Variants in MKLN1 observed in about 807,000 individuals in gnomAD.
MKLN1 encodes the protein muskelin.
In MKLN1, 18 loss-of-function variants were observed where a neutral mutation model predicts 99.0. The observed-to-expected ratio is 0.18, with a 90% CI of 0.13 to 0.27. The LOEUF is 0.27. Ranked by LOEUF, MKLN1 falls within the 10% of genes least tolerant of loss-of-function variation. The probability of loss-of-function intolerance (pLI) is 1.00; values close to 1 mark genes in which losing one functional copy is unlikely to be tolerated. For missense variants in MKLN1, 621 were observed against 875.9 expected (o/e 0.71, Z 3.67); for synonymous variants, 288 against 293.2 (o/e 0.98, Z 0.18).
intron 1 of MKLN1, among the ~76,000 whole-genome samples, chr7:131,367,983 G>C (rs1800230674): frequency 6.6e-6 from 1 of 152,170 alleles, no homozygotes; most frequent in Non-Finnish European, 1.5e-5. Context: ...GAAAATTAAA[G>C]GAGGATAGGC....
chr7:131,340,403 C>A (rs779949018), intron 1 of MKLN1, among the ~76,000 whole-genome samples: 6 of 151,610 alleles, frequency 4.0e-5, no homozygotes, highest in Non-Finnish European at 7.4e-5. Flanking sequence ...TCAGCCCCCC[C>A]AAGTAGCTGG....
At chr7:131,485,716 A>G (rs1797252788) in intron 17 of MKLN1, among the ~76,000 whole-genome samples, 2 of 152,086 alleles carry the variant, frequency 1.3e-5, no homozygotes, top group Admixed American at 1.3e-4. Flanking sequence ...GAATCTGATC[A>G]TGAAGAAACA....
At chr7:131,464,600 T>C (rs770597062) in intron 14 of MKLN1, among the ~76,000 whole-genome samples, 192 bp downstream of exon 14, 2 of 152,254 alleles carry the variant, frequency 1.3e-5, no homozygotes, top group Admixed American at 6.5e-5. Context: ...TTTTACGTAG[T>C]CTGTAATTCT....
At chr7:131,267,639 C>A (rs573293432) in intron 3 of MKLN1, among the ~76,000 whole-genome samples, 1 of 152,266 alleles carries the variant, frequency 6.6e-6, no homozygotes, top group Non-Finnish European at 1.5e-5. Context: ...TTCTGTTGGG[C>A]AGGTCAGATG....
intron 2 of MKLN1, among the ~76,000 whole-genome samples, chr7:131,192,529 T>C (rs1279926182): frequency 2.1e-5 from 3 of 141,014 alleles, no homozygotes; most frequent in Non-Finnish European, 4.5e-5. Flanking sequence ...TATTTACATA[T>C]ATATAAATAT....
chr7:131,114,041 T>A (rs1795237853), intron 1 of MKLN1, among the ~76,000 whole-genome samples: 1 of 152,034 alleles, frequency 6.6e-6, no homozygotes, highest in Non-Finnish European at 1.5e-5. Flanking sequence ...CCAAACCATA[T>A]CACATTATAA....
chr7:131,250,157 T>C (rs576919217), intron 3 of MKLN1, among the ~76,000 whole-genome samples: 1 of 152,170 alleles, frequency 6.6e-6, no homozygotes, highest in East Asian at 1.9e-4. Context: ...CAACTGACCA[T>C]GGCGATCAGC....
chr7:131,474,091 A>G (rs1221974510), intron 16 of MKLN1, among the ~76,000 whole-genome samples: 1 of 152,196 alleles, frequency 6.6e-6, no homozygotes, highest in Non-Finnish European at 1.5e-5. Context: ...TGGAGGTTGC[A>G]GTGAGCTGAG....
At chr7:131,393,724 T>A (rs988422132) in intron 4 of MKLN1, among the ~76,000 whole-genome samples, 2 of 152,158 alleles carry the variant, frequency 1.3e-5, no homozygotes, top group African/African-American at 4.8e-5. Context: ...ACTCCTGGGC[T>A]CAAGTGATCC....
chr7:131,448,242 A>C (rs562710943), intron 12 of MKLN1, among the ~76,000 whole-genome samples: 1 of 152,322 alleles, frequency 6.6e-6, no homozygotes, highest in East Asian at 1.9e-4. Flanking sequence ...AAGAAAAAAA[A>C]GTGGCAATGC....
intron 1 of MKLN1, among the ~76,000 whole-genome samples, chr7:131,358,213 G>A (rs1397361163): frequency 6.6e-6 from 1 of 151,990 alleles, no homozygotes; most frequent in East Asian, 1.9e-4. Context: ...AATTGAAGAG[G>A]GCTGCCTGAA....
chr7:131,355,700 G>A, intron 1 of MKLN1, among the ~76,000 whole-genome samples: 1 of 142,608 alleles, frequency 7.0e-6, no homozygotes, highest in East Asian at 2.1e-4. Flanking sequence ...GGTCTCTTTG[G>A]TCCAGGCTGG....
chr7:131,143,841 A>G (rs1795777129), intron 2 of MKLN1, among the ~76,000 whole-genome samples: 1 of 152,178 alleles, frequency 6.6e-6, no homozygotes, highest in South Asian at 2.1e-4. Flanking sequence ...AAAAATAAAA[A>G]TAAAAATAAA....
intron 3 of MKLN1, among the ~76,000 whole-genome samples, chr7:131,204,017 C>G (rs948641568): frequency 6.6e-6 from 1 of 152,204 alleles, no homozygotes; most frequent in African/African-American, 2.4e-5. Context: ...AGGACCAATA[C>G]AGCTTTAACT....
intron 2 of MKLN1, among the ~76,000 whole-genome samples, chr7:131,187,039 C>T (rs1256208317): frequency 1.3e-5 from 2 of 152,080 alleles, no homozygotes; most frequent in Admixed American, 6.6e-5. Context: ...CAGGGAACTC[C>T]GAGTAGGCAA....
chr7:131,472,636 A>T (rs927588122), intron 16 of MKLN1, among the ~76,000 whole-genome samples: 8 of 151,780 alleles, frequency 5.3e-5, no homozygotes, highest in Non-Finnish European at 7.4e-5. Context: ...TGGCATCAGA[A>T]TCACCTTGGA....
rs146805718 is a variant in MKLN1 at position 131,296,545 on chromosome 7, A to G, written c.-178-78879A>G. ...AATTTACAGTTGCCCCTTGAAGAACATGGGTTTGAATTGCATGGGTCCACT... is the reference window on the plus strand; with the variant it reads ...AATTTACAGTTGCCCCTTGAAGAACGTGGGTTTGAATTGCATGGGTCCACT... On this transcript the variant is annotated intron_variant, in intron 3 of 7. Coordinates refer to the MKLN1 transcript ENST00000416992. 5.9e-5 allele frequency among the ~76,000 whole-genome samples: 9 copies of G among 152,270 alleles called. No homozygotes were observed. In the East Asian group the frequency reaches 1.4e-3, roughly 23 times the overall value.
chr7:131,181,601 C>T (rs769726161), intron 2 of MKLN1, among the ~76,000 whole-genome samples: 1 of 150,884 alleles, frequency 6.6e-6, no homozygotes, highest in Non-Finnish European at 1.5e-5. Context: ...CCCAATAACT[C>T]GAGAGGCTGA....
intron 1 of MKLN1, among the ~76,000 whole-genome samples, chr7:131,132,629 A>T (rs1468375715): frequency 6.6e-6 from 1 of 152,120 alleles, no homozygotes; most frequent in African/African-American, 2.4e-5. Flanking sequence ...TGGGCCAATA[A>T]ATGAAAAACC....
Sources: gnomAD v4.1 joint callset for allele counts (sites outside exome capture counted in the v4.1 genomes callset) on GRCh38, gnomAD v4.1.1 for gene constraint, MANE v1.5 for transcripts, NCBI Gene and HGNC (gene_info 2026-07-23, HGNC 2026-07-21) for gene names.